Variants in CCDC150 observed in about 807,000 individuals in gnomAD.
CCDC150 encodes coiled-coil domain containing 150.
Under a neutral mutation model 156.5 loss-of-function variants are expected in CCDC150, and 151 were observed. The ratio of observed to expected loss-of-function variants is 0.97; its 90% CI spans 0.85 to 1.10. CCDC150 has a LOEUF of 1.10. Ranked by LOEUF, CCDC150 falls within the 50% of genes least tolerant of loss-of-function variation. CCDC150 has a pLI of 0.00. For synonymous variants in CCDC150, 452 were observed against 429.4 expected, an observed-to-expected ratio of 1.05 and a Z score of -0.65; for missense variants, 1,312 against 1,268.1, an observed-to-expected ratio of 1.03 and a Z score of -0.53.
At chr2:196,689,700 A>G (rs1695332046) in intron 13 of CCDC150, among the ~76,000 whole-genome samples, 3 of 151,698 alleles carry the variant, frequency 2.0e-5, no homozygotes, top group Admixed American at 2.0e-4. Context: ...AACAGGGACA[A>G]TTTGACTTCC....
intron 26 of CCDC150, among the ~76,000 whole-genome samples, 158 bp from the exon 27 acceptor site, chr2:196,731,875 G>T (rs143956030): frequency 1.1e-3 from 172 of 152,276 alleles, no homozygotes; most frequent in African/African-American, 4.0e-3. Context: ...TTACTCGCAT[G>T]TATAGGATGT....
chr2:196,713,513 A>C, intron 17 of CCDC150: 1 of 1,550,568 alleles, frequency 6.4e-7, no homozygotes, highest in Non-Finnish European at 8.7e-7. Flanking sequence ...CTTTGCACCT[A>C]ACCTGCCTTC....
At chr2:196,643,124 A>G (rs1227924671) in intron 1 of CCDC150, among the ~76,000 whole-genome samples, 1 of 152,246 alleles carries the variant, frequency 6.6e-6, no homozygotes, top group Non-Finnish European at 1.5e-5. Context: ...TGACCTGAAC[A>G]GGATTCTCAG....
intron 2 of CCDC150, among the ~76,000 whole-genome samples, chr2:196,655,311 C>G (rs1206815529): frequency 1.3e-5 from 2 of 152,304 alleles, no homozygotes; most frequent in African/African-American, 4.8e-5. Context: ...CTTGGAAATG[C>G]AGAGCCAAAT....
intron 16 of CCDC150, chr2:196,712,455 G>A (rs1217158838): frequency 3.5e-6 from 2 of 570,908 alleles, no homozygotes. Flanking sequence ...ACCTGAAGCA[G>A]GATTGAGACA....
At chr2:196,649,691 T>C (rs777182268) in intron 2 of CCDC150, among the ~76,000 whole-genome samples, 45 of 152,208 alleles carry the variant, frequency 3.0e-4, no homozygotes, top group Non-Finnish European at 5.7e-4. Context: ...ATCAGCCTTT[T>C]AGAGTTTTTA....
At chr2:196,670,002 A>G in intron 8 of CCDC150, 126 bp downstream of exon 8, 1 of 603,060 alleles carries the variant, frequency 1.7e-6, no homozygotes, top group Middle Eastern at 2.6e-4. Context: ...AGTTTCATGT[A>G]AATGAGTAGT....
At chr2:196,639,826 G>A (rs747773206) in intron 1 of CCDC150, 48 bp downstream of exon 1, 50 of 1,539,474 alleles carry the variant, frequency 3.2e-5, no homozygotes, top group African/African-American at 5.5e-5. Context: ...GGAGGCTCGC[G>A]AGGCTTCGGC....
intron 27 of CCDC150, 106 bp from the exon 28 acceptor site, chr2:196,732,340 A>G: frequency 1.8e-6 from 2 of 1,119,188 alleles, no homozygotes; most frequent in Non-Finnish European, 1.3e-6. Context: ...TTTAGATTAG[A>G]ATCACTTGTC....
rs76967664 is a variant in CCDC150, at chr2:196,725,900, C to A, written c.2430-73C>A. 1,976 of 1,419,968 alleles carry A rather than the reference C, an allele frequency of 1.4e-3. 27 individuals carry two copies. In the African/African-American group the frequency reaches 0.026, roughly 19 times the overall value. 88.0% of individuals were successfully genotyped at this position (1,419,968 alleles called of 1,614,324 possible). On this transcript the variant is annotated intron_variant, in intron 21 of 27. Transcript: ENST00000389175. ...CACACACCTTTTGGAGAGTTGCACA[C>A]TCCCCTCCAAAACTTTCTTACCTCC...
chr2:196,718,970 T>G (rs1327272854), intron 18 of CCDC150, among the ~76,000 whole-genome samples: 6 of 152,206 alleles, frequency 3.9e-5, no homozygotes, highest in Non-Finnish European at 7.3e-5. Context: ...TATGATGCTT[T>G]CTCCTTAACA....
intron 17 of CCDC150, chr2:196,713,489 A>G (rs767227654): frequency 6.4e-7 from 1 of 1,550,624 alleles, no homozygotes; most frequent in African/African-American, 1.4e-5. Context: ...TCCAAACTCT[A>G]CACGCCGTGT....
intron 17 of CCDC150, chr2:196,713,124 A>G (rs1264773859): frequency 7.4e-6 from 4 of 540,068 alleles, no homozygotes; most frequent in Non-Finnish European, 3.0e-6. Flanking sequence ...TTGTTAAAGG[A>G]GGCCTCATTA....
In CCDC150 at chr2:196,732,111, C is replaced by T. The variant is rs755194723; in HGVS notation, c.3148C>T (p.Arg1050Trp). The T allele has an allele frequency of 1.2e-5, 20 of 1,613,690 alleles. No individual in the cohort carries two copies. The highest frequency in any genetic ancestry group is 1.4e-5 in the Non-Finnish European group (17 of 1,179,810). ...DGLQLELTKN[R>W]LQRPSGEDRW... is the part of the protein sequence containing the mutation. The stretch of plus-strand genomic sequence containing the variant: ...TCTACAACTTGAGCTGACAAAAAAC[C>T]GGTTGCAGAGGCCTTCTGGGGAAGA... The change falls in exon 27 of 28, where the codon CGG (arginine) becomes TGG (tryptophan). Residue 1050 changes from arginine to tryptophan, a missense_variant. By Grantham distance (101) the Arg-to-Trp change is moderately radical. Coordinates refer to ENST00000389175, the MANE Select transcript of CCDC150 (RefSeq NM_001080539.2).
intron 10 of CCDC150, among the ~76,000 whole-genome samples, chr2:196,675,769 T>G (rs926078295): frequency 6.6e-6 from 1 of 152,218 alleles, no homozygotes; most frequent in African/African-American, 2.4e-5. Context: ...TCACTTTATA[T>G]ACATTTATAT....
intron 1 of CCDC150, among the ~76,000 whole-genome samples, chr2:196,642,121 T>C (rs1176507483): frequency 6.6e-6 from 1 of 152,246 alleles, no homozygotes; most frequent in Non-Finnish European, 1.5e-5. Context: ...TAAAAGTTTA[T>C]ATCTCAGTAT....
At chr2:196,671,527 A>C (rs918888966) in intron 8 of CCDC150, among the ~76,000 whole-genome samples, 1 of 145,884 alleles carries the variant, frequency 6.9e-6, no homozygotes, top group South Asian at 2.1e-4. Flanking sequence ...TCCTGGGTTC[A>C]AGCGATTCTC....
At chr2:196,691,836 G>C (rs939484088) in intron 13 of CCDC150, among the ~76,000 whole-genome samples, 1 of 152,114 alleles carries the variant, frequency 6.6e-6, no homozygotes, top group Non-Finnish European at 1.5e-5. Context: ...AGCTACTCGG[G>C]AGACTGAGGA....
At position 196,640,394 on chromosome 2, in the gene CCDC150, A is replaced by G. The variant is rs776940672; in HGVS notation, c.12+616A>G. Among the ~76,000 whole-genome samples, 5 of 152,306 alleles carry G rather than the reference A, an allele frequency of 3.3e-5. No individual in the cohort carries two copies. In the South Asian group the frequency reaches 6.2e-4, roughly 19 times the overall value. ...CCCAACACATGCTTCTAATTTGTTA[A>G]TCTTGGCGTGCTCAGGACTAGGTCC... is the stretch of plus-strand genomic sequence containing the variant. On this transcript the variant is annotated intron_variant, in intron 1 of 27. Coordinates refer to ENST00000389175, the MANE Select transcript of CCDC150 (RefSeq NM_001080539.2).
Sources: gnomAD v4.1 joint callset for allele counts (sites outside exome capture counted in the v4.1 genomes callset) on GRCh38, gnomAD v4.1.1 for gene constraint, MANE v1.5 for transcripts, NCBI Gene and HGNC (gene_info 2026-07-23, HGNC 2026-07-21) for gene names.